FYB1: variants seen among roughly 807,000 people sequenced by gnomAD.
The protein encoded by FYB1 is FYN-binding protein 1.
FYB1 carries 41 observed loss-of-function variants against 94.1 expected under a neutral mutation model. The observed-to-expected ratio is 0.44, with a 90% CI of 0.34 to 0.57. The LOEUF (loss-of-function observed/expected upper bound fraction) is 0.57. Among genes scored for constraint, FYB1 ranks in the 20% least tolerant of loss-of-function variants. The probability of loss-of-function intolerance (pLI) is 0.02; values close to 1 mark genes in which losing one functional copy is unlikely to be tolerated. For missense variants in FYB1, 1,050 were observed against 976.8 expected, an observed-to-expected ratio of 1.07 and a Z score of -1.00; for synonymous variants, 367 against 353.2, an observed-to-expected ratio of 1.04 and a Z score of -0.44.
chr5:39,110,928 T>A (rs1350842887), intron 16 of FYB1: 1 of 180,632 alleles, frequency 5.5e-6, no homozygotes, highest in Admixed American at 6.2e-5. Flanking sequence ...TCTCTTTTAC[T>A]CTGTATGGAA....
chr5:39,234,052 G>A (rs1411643776), intron 1 of FYB1, among the ~76,000 whole-genome samples: 2 of 152,044 alleles, frequency 1.3e-5, no homozygotes, highest in Non-Finnish European at 1.5e-5. Flanking sequence ...AACTCTTTAA[G>A]TAAACTGACT....
chr5:39,248,514 G>A (rs835190), intron 1 of FYB1, among the ~76,000 whole-genome samples: 25,638 of 152,060 alleles, frequency 0.17, 5,781 homozygotes, highest in African/African-American at 0.5. Context: ...CCTCGAAGAC[G>A]TAATGCTAAG....
Position 39,202,158 on chromosome 5 carries a change from G to T in FYB1, c.803C>A (p.Ala268Glu). The T allele has an allele frequency of 6.2e-7, 1 of 1,613,898 alleles. No individual in the cohort carries two copies. Among genetic ancestry groups the T allele is most frequent in the Non-Finnish European group, 8.5e-7 (1 of 1,179,862 alleles). ...PFPGVVLKPA[A>E]SRGGPGLSKN... is the part of the protein sequence containing the mutation. ...GGAGAGACCTGGGCCTCCCCTGCTC[G>T]CAGCAGGTTTCAAAACCACTCCAGG... is the stretch of plus-strand genomic sequence containing the variant. Residue 268 changes from alanine to glutamate, a missense_variant, in exon 2 of 19, where the codon GCG becomes GAG. By Grantham distance (107) the Ala-to-Glu change is moderately radical. Transcript: ENST00000512982.
At chr5:39,245,884 G>A (rs575658273) in intron 1 of FYB1, among the ~76,000 whole-genome samples, 107 of 152,328 alleles carry the variant, frequency 7.0e-4, no homozygotes, top group African/African-American at 2.4e-3. Context: ...ACAGGCATGA[G>A]CCACTGCGTC....
intron 1 of FYB1, among the ~76,000 whole-genome samples, chr5:39,228,447 G>T (rs959653854): frequency 4.6e-5 from 7 of 152,190 alleles, no homozygotes; most frequent in African/African-American, 1.4e-4. Flanking sequence ...ACCAAAATGT[G>T]TCTACCCCTC....
At chr5:39,198,519 T>C (rs1748025687) in intron 2 of FYB1, among the ~76,000 whole-genome samples, 1 of 152,328 alleles carries the variant, frequency 6.6e-6, no homozygotes, top group South Asian at 2.1e-4. Flanking sequence ...CATACACAGA[T>C]GGTGCCCTAT....
intron 3 of FYB1, among the ~76,000 whole-genome samples, chr5:39,143,491 C>A (rs1021831032): frequency 2.0e-5 from 3 of 146,620 alleles, no homozygotes; most frequent in Non-Finnish European, 4.4e-5. Context: ...GGTCAGTGTC[C>A]TGGTAATCAG....
In FYB1 at chr5:39,115,184, C is replaced by T. The variant is rs549377418; in HGVS notation, c.2401+3690G>A. ...AATCTCGGCTAACTGCAAACTCTGCCTCCTGGGTTCAAACAATTCTCCTGC... is the reference window on the plus strand; with the variant it reads ...AATCTCGGCTAACTGCAAACTCTGCTTCCTGGGTTCAAACAATTCTCCTGC... On this transcript the variant is annotated intron_variant, in intron 16 of 18. Transcript: ENST00000512982. 2.0e-3 allele frequency among the ~76,000 whole-genome samples: 300 copies of T among 151,920 alleles called. 1 individual carries two copies. The highest frequency in any genetic ancestry group is 7.0e-3 in the African/African-American group (289 of 41,386).
intron 2 of FYB1, among the ~76,000 whole-genome samples, chr5:39,160,720 A>G (rs954870972): frequency 6.6e-6 from 1 of 152,200 alleles, no homozygotes; most frequent in Non-Finnish European, 1.5e-5. Context: ...GGGCTGCTAT[A>G]AGAATTCAAA....
chr5:39,197,421 A>AT (rs1747929818), intron 2 of FYB1, among the ~76,000 whole-genome samples: 1 of 152,244 alleles, frequency 6.6e-6, no homozygotes, highest in East Asian at 1.9e-4. Flanking sequence ...TGTTTAGGGC[A>AT]TTTTTTGTTG....
At chr5:39,112,326 GT>G (rs1370139707) in intron 16 of FYB1, among the ~76,000 whole-genome samples, 2 of 151,858 alleles carry the variant, frequency 1.3e-5, no homozygotes, top group African/African-American at 4.8e-5. Flanking sequence ...AATAGCAAAT[GT>G]TCCCATAATA....
At chr5:39,176,855 T>C (rs953938408) in intron 2 of FYB1, among the ~76,000 whole-genome samples, 2 of 152,220 alleles carry the variant, frequency 1.3e-5, no homozygotes, top group African/African-American at 4.8e-5. Flanking sequence ...TGAGATGGTG[T>C]AGGCAGCTAA....
intron 2 of FYB1, among the ~76,000 whole-genome samples, chr5:39,183,621 T>C (rs1021789484): frequency 7.2e-5 from 11 of 152,342 alleles, no homozygotes; most frequent in Middle Eastern, 6.8e-3. Context: ...TTGATATCTC[T>C]ATTCTTCCAT....
chr5:39,200,323 C>T (rs1301152237), intron 2 of FYB1, among the ~76,000 whole-genome samples: 1 of 152,190 alleles, frequency 6.6e-6, no homozygotes, highest in Admixed American at 6.5e-5. Context: ...CACCGGGCAA[C>T]ATGTGTTACC....
chr5:39,208,787 C>T (rs1397187122), intron 1 of FYB1: 1 of 152,126 alleles, frequency 6.6e-6, no homozygotes, highest in Non-Finnish European at 1.5e-5. Flanking sequence ...AGGACCTGCT[C>T]TACAAAGGCC....
intron 1 of FYB1, among the ~76,000 whole-genome samples, chr5:39,264,283 C>T (rs1233765397): frequency 6.6e-6 from 1 of 152,196 alleles, no homozygotes; most frequent in Non-Finnish European, 1.5e-5. Flanking sequence ...TTTGTTCCTT[C>T]TGGTATGTGA....
At chr5:39,257,532 T>C (rs1312216581) in intron 1 of FYB1, among the ~76,000 whole-genome samples, 1 of 152,086 alleles carries the variant, frequency 6.6e-6, no homozygotes, top group Non-Finnish European at 1.5e-5. Context: ...CATGCAACTC[T>C]TAAAATAAAC....
At chr5:39,108,386 T>G (rs1378600280) in intron 17 of FYB1, 124 bp from the exon 18 acceptor site, 1 of 822,600 alleles carries the variant, frequency 1.2e-6, no homozygotes, top group African/African-American at 1.7e-5. Context: ...AAGCATAGTA[T>G]GCATTTATAA....
intron 2 of FYB1, among the ~76,000 whole-genome samples, chr5:39,167,184 G>GGA (rs890588516): frequency 2.0e-5 from 3 of 152,156 alleles, no homozygotes; most frequent in African/African-American, 7.2e-5. Flanking sequence ...GGGGCACAGT[G>GGA]GAGAGAGCGA....
Sources: gnomAD v4.1 joint callset for allele counts (sites outside exome capture counted in the v4.1 genomes callset) on GRCh38, gnomAD v4.1.1 for gene constraint, MANE v1.5 for transcripts, NCBI Gene and HGNC (gene_info 2026-07-23, HGNC 2026-07-21) for gene names.